Variants in DLGAP1 observed in about 807,000 individuals in gnomAD.
DLGAP1 encodes disks large-associated protein 1.
In DLGAP1, 11 loss-of-function variants were observed where a neutral mutation model predicts 90.8. The observed-to-expected ratio is 0.12, with a 90% CI of 0.08 to 0.20. The LOEUF is 0.20. DLGAP1 is among the 10% of genes least tolerant of loss of function. The pLI is 1.00. For missense variants in DLGAP1, 1,050 were observed against 1,333.8 expected, an observed-to-expected ratio of 0.79 and a Z score of 3.31; for synonymous variants, 558 against 540.7, an observed-to-expected ratio of 1.03 and a Z score of -0.44.
At chr18:4,081,365 A>G (rs1204822599) in intron 2 of DLGAP1, among the ~76,000 whole-genome samples, 1 of 152,084 alleles carries the variant, frequency 6.6e-6, no homozygotes, top group Non-Finnish European at 1.5e-5. Flanking sequence ...CCTTCCAACA[A>G]ACCTTCAGAG....
At chr18:3,894,764 G>T (rs1362932405) in intron 3 of DLGAP1, 1 of 152,146 alleles carries the variant, frequency 6.6e-6, no homozygotes, top group Non-Finnish European at 1.5e-5. Flanking sequence ...AATCTTCTCT[G>T]TGTCATTCCC....
At chr18:4,066,749 T>C (rs1459212810) in intron 2 of DLGAP1, among the ~76,000 whole-genome samples, 4 of 152,102 alleles carry the variant, frequency 2.6e-5, no homozygotes, top group Non-Finnish European at 4.4e-5. Flanking sequence ...AATGTAGCCA[T>C]TGTGGAGGAC....
At chr18:3,567,629 G>T (rs923603118) in intron 8 of DLGAP1, 48 bp from the exon 9 acceptor site, 2 of 1,525,362 alleles carry the variant, frequency 1.3e-6, no homozygotes, top group Non-Finnish European at 9.0e-7. Context: ...CAGTCATCTT[G>T]CTTGAAAAAC....
At chr18:4,006,262 T>C (rs137897565) in intron 2 of DLGAP1, among the ~76,000 whole-genome samples, 1 of 152,324 alleles carries the variant, frequency 6.6e-6, no homozygotes, top group East Asian at 1.9e-4. Flanking sequence ...GTTTGTCTTC[T>C]AGGGCCAGAG....
At chr18:3,518,569 G>A (rs2050983560) in intron 10 of DLGAP1, among the ~76,000 whole-genome samples, 1 of 151,176 alleles carries the variant, frequency 6.6e-6, no homozygotes, top group African/African-American at 2.4e-5. Context: ...ATAAAGCAAT[G>A]CCAATAAAAT....
rs554248097 is a variant in DLGAP1 at position 4,357,157 on chromosome 18, C to CTTTTTTTT, written c.-267+97841_-267+97848dup. Among the ~76,000 whole-genome samples, 25 of 108,744 alleles carry CTTTTTTTT rather than the reference C, an allele frequency of 2.3e-4. 1 individual carries two copies. Among genetic ancestry groups the CTTTTTTTT allele is most frequent in the East Asian group, 1.8e-3 (6 of 3,428 alleles). The allele number at this position is 108,744 out of a possible 152,430, so 71.3% of individuals were successfully genotyped here. ...TTTGTTCTTTCTCTTTGTTTTTTTC[C>CTTTTTTTT]TTTTTTTTTTTTTTTTTTGACAGGC... On this transcript the variant is annotated intron_variant, in intron 1 of 12. Coordinates refer to ENST00000315677, the MANE Select transcript of DLGAP1 (RefSeq NM_004746.4).
At chr18:4,430,156 A>AGCAC (rs2083252960) in intron 1 of DLGAP1, among the ~76,000 whole-genome samples, 1 of 152,174 alleles carries the variant, frequency 6.6e-6, no homozygotes, top group Non-Finnish European at 1.5e-5. Context: ...GGGGTATTTC[A>AGCAC]ATGTTGCTGA....
chr18:4,021,686 C>T (rs2074612736), intron 2 of DLGAP1, among the ~76,000 whole-genome samples: 1 of 152,160 alleles, frequency 6.6e-6, no homozygotes, highest in Non-Finnish European at 1.5e-5. Context: ...CAACCTCCGC[C>T]TCCTGGATTC....
chr18:3,750,092 C>G lies in DLGAP1; in HGVS notation c.1173-7580G>C, dbSNP rs1440657530. Among the ~76,000 whole-genome samples the G allele has an allele frequency of 2.6e-5, 4 of 152,146 alleles. No homozygotes were observed. In the East Asian group the frequency reaches 7.7e-4, roughly 29 times the overall value. ...CCCAGGTAGTGAGCACCACAGTACC[C>G]AACAGTTAGTCTTTCGACCCTTGTC... On this transcript the variant is annotated intron_variant, in intron 5 of 12. Coordinates refer to ENST00000315677, the MANE Select transcript of DLGAP1 (RefSeq NM_004746.4).
intron 7 of DLGAP1, among the ~76,000 whole-genome samples, chr18:3,635,400 A>T (rs966263149): frequency 6.6e-6 from 1 of 150,634 alleles, no homozygotes; most frequent in Non-Finnish European, 1.5e-5. Flanking sequence ...CGGCCTCCCA[A>T]AGTGCTGGGA....
chr18:3,871,981 C>T (rs1490577736), intron 4 of DLGAP1, among the ~76,000 whole-genome samples: 1 of 152,092 alleles, frequency 6.6e-6, no homozygotes, highest in Non-Finnish European at 1.5e-5. Context: ...TTTCCTAATT[C>T]TGTGAAACAA....
At chr18:4,111,476 A>G (rs1568402946) in intron 2 of DLGAP1, among the ~76,000 whole-genome samples, 2 of 152,164 alleles carry the variant, frequency 1.3e-5, no homozygotes, top group Non-Finnish European at 1.5e-5. Flanking sequence ...TATTATTAAG[A>G]AGACTTTACA....
At chr18:3,822,745 A>G (rs1019084749) in intron 4 of DLGAP1, among the ~76,000 whole-genome samples, 1 of 152,144 alleles carries the variant, frequency 6.6e-6, no homozygotes, top group African/African-American at 2.4e-5. Context: ...GGGATTGGGG[A>G]GCCATGGGCC....
chr18:4,099,921 T>C (rs2075753867), intron 2 of DLGAP1, among the ~76,000 whole-genome samples: 1 of 152,096 alleles, frequency 6.6e-6, no homozygotes, highest in South Asian at 2.1e-4. Context: ...TCTGGGTATG[T>C]TGTCTATGCT....
chr18:4,211,236 G>T (rs1056808225), intron 1 of DLGAP1, among the ~76,000 whole-genome samples: 1 of 152,096 alleles, frequency 6.6e-6, no homozygotes, highest in African/African-American at 2.4e-5. Context: ...TGGCTGGGGG[G>T]TTTTATGTTG....
chr18:4,009,438 C>CA (rs1455962107), intron 2 of DLGAP1, among the ~76,000 whole-genome samples: 1 of 152,228 alleles, frequency 6.6e-6, no homozygotes, highest in Non-Finnish European at 1.5e-5. Flanking sequence ...TGCTGTTACA[C>CA]ATTTGTTTAT....
intron 7 of DLGAP1, among the ~76,000 whole-genome samples, chr18:3,657,477 T>C (rs534623764): frequency 3.6e-4 from 55 of 152,350 alleles, no homozygotes; most frequent in African/African-American, 1.3e-3. Flanking sequence ...TGCATATACA[T>C]GTCCATATGT....
At chr18:4,240,133 A>C (rs2078500840) in intron 1 of DLGAP1, among the ~76,000 whole-genome samples, 1 of 152,300 alleles carries the variant, frequency 6.6e-6, no homozygotes, top group African/African-American at 2.4e-5. Flanking sequence ...AGATTCAAAT[A>C]GTTGTTTTTA....
At chr18:4,280,120 A>G (rs1414882558) in intron 1 of DLGAP1, among the ~76,000 whole-genome samples, 1 of 152,208 alleles carries the variant, frequency 6.6e-6, no homozygotes, top group Non-Finnish European at 1.5e-5. Flanking sequence ...CTTCAACATG[A>G]ACTTCACATT....
Sources: gnomAD v4.1 joint callset for allele counts (sites outside exome capture counted in the v4.1 genomes callset) on GRCh38, gnomAD v4.1.1 for gene constraint, MANE v1.5 for transcripts, NCBI Gene and HGNC (gene_info 2026-07-23, HGNC 2026-07-21) for gene names.